PDE11A: variants seen among roughly 807,000 people sequenced by gnomAD.
PDE11A encodes dual 3',5'-cyclic-AMP and -GMP phosphodiesterase 11A.
A neutral mutation model predicts 100.5 loss-of-function variants in PDE11A; 100 were observed. That is an observed-to-expected ratio of 1.00 (90% CI 0.85 to 1.18). The LOEUF is 1.18. Among genes scored for constraint, PDE11A ranks in the 50% most tolerant of loss-of-function variants. The pLI is 0.00. For synonymous variants in PDE11A, 381 were observed against 420.8 expected (o/e 0.91, Z 1.16); for missense variants, 1,141 against 1,152.6 (o/e 0.99, Z 0.15).
chr2:178,078,994 T>C (rs1296453118), intron 2 of PDE11A, among the ~76,000 whole-genome samples: 1 of 152,186 alleles, frequency 6.6e-6, no homozygotes, highest in Non-Finnish European at 1.5e-5. Context: ...AGGAATTCTA[T>C]TTTCTAAAAA....
At chr2:177,994,496 G>A (rs1473842602) in intron 2 of PDE11A, among the ~76,000 whole-genome samples, 1 of 152,194 alleles carries the variant, frequency 6.6e-6, no homozygotes, top group Non-Finnish European at 1.5e-5. Context: ...AGGGATAATT[G>A]TGAAGGATCA....
Position 177,669,575 on chromosome 2 carries a change from A to T in PDE11A, c.2488-8T>A. 7.6e-7 allele frequency: 1 copy of T among 1,313,390 alleles called. No individual in the cohort carries two copies. The highest frequency in any genetic ancestry group is 1.1e-6 in the Non-Finnish European group (1 of 906,252). 81.4% of individuals were successfully genotyped at this position (1,313,390 alleles called of 1,614,324 possible). On this transcript the variant is annotated splice_polypyrimidine_tract_variant and splice_region_variant and intron_variant, in intron 17 of 19. Coordinates refer to ENST00000286063, the MANE Select transcript of PDE11A (RefSeq NM_016953.4). The stretch of plus-strand genomic sequence containing the variant: ...GGTTACAAGTTCTGCCACCTGAAAC[A>T]TATAAATATTTTAATCTGTGATTAT...
At position 177,844,599 on chromosome 2, in the gene PDE11A, T is replaced by A. The variant is rs1370463780; in HGVS notation, c.1368-4216A>T. Among the ~76,000 whole-genome samples, 3 of 152,048 alleles carry A rather than the reference T, an allele frequency of 2.0e-5. 1 individual carries two copies. Among genetic ancestry groups the A allele is most frequent in the South Asian group, 4.2e-4 (2 of 4,802 alleles). Reference sequence around the variant, plus strand: ...TGTTTCTCACAGAGGGGGATTTGGCTGGGTCATAGGACAATAGTGGAGGGA... The same window carrying A: ...TGTTTCTCACAGAGGGGGATTTGGCAGGGTCATAGGACAATAGTGGAGGGA... On this transcript the variant is annotated intron_variant, in intron 5 of 19. Coordinates refer to ENST00000286063, the MANE Select transcript of PDE11A (RefSeq NM_016953.4).
chr2:177,651,181 G>A (rs75239893), intron 19 of PDE11A, among the ~76,000 whole-genome samples: 1 of 152,288 alleles, frequency 6.6e-6, no homozygotes, highest in East Asian at 1.9e-4. Context: ...CAAAAGTGTT[G>A]TTATGGACTC....
chr2:177,896,523 A>T (rs1308493975), intron 4 of PDE11A, among the ~76,000 whole-genome samples: 1 of 152,178 alleles, frequency 6.6e-6, no homozygotes, highest in Non-Finnish European at 1.5e-5. Flanking sequence ...GGGGTGGTTC[A>T]GGTTATCCTG....
At chr2:177,959,169 G>A (rs1378552306) in intron 2 of PDE11A, among the ~76,000 whole-genome samples, 2 of 152,186 alleles carry the variant, frequency 1.3e-5, no homozygotes. Context: ...GAAGAGGAAT[G>A]AAGACATGTA....
At chr2:177,840,705 A>C (rs2083477915) in intron 5 of PDE11A, among the ~76,000 whole-genome samples, 2 of 152,162 alleles carry the variant, frequency 1.3e-5, no homozygotes, top group Admixed American at 1.3e-4. Flanking sequence ...CAACTAATAA[A>C]ATTCCATCAA....
intron 2 of PDE11A, among the ~76,000 whole-genome samples, chr2:178,088,355 A>T (rs750454463): frequency 6.6e-6 from 1 of 152,270 alleles, no homozygotes; most frequent in Non-Finnish European, 1.5e-5. Flanking sequence ...AACATATTGT[A>T]GGACACAAGG....
chr2:177,636,781 A>G (rs368684753), intron 19 of PDE11A, among the ~76,000 whole-genome samples: 17 of 152,196 alleles, frequency 1.1e-4, no homozygotes, highest in African/African-American at 4.1e-4. Flanking sequence ...ATCCCTCCCC[A>G]AAGTTGTGAC....
At position 178,012,690 on chromosome 2, in the gene PDE11A, T is replaced by C. The variant is rs1188944385; in HGVS notation, c.1071+1612A>G. ...GCTCTATCTCACAGGTACAAGTCCA[T>C]TAAGAAAAGTCCAGAAAACAAATCT... On this transcript the variant is annotated intron_variant, in intron 2 of 19. Coordinates refer to ENST00000286063, the MANE Select transcript of PDE11A (RefSeq NM_016953.4). 3.9e-5 allele frequency among the ~76,000 whole-genome samples: 6 copies of C among 152,188 alleles called. No homozygotes were observed. The East Asian group carries it at 1.2e-3, about 29-fold the overall frequency.
intron 5 of PDE11A, among the ~76,000 whole-genome samples, chr2:177,860,390 A>G (rs2083925364): frequency 6.6e-6 from 1 of 151,886 alleles, no homozygotes; most frequent in South Asian, 2.1e-4. Context: ...CAAGTATCAA[A>G]ACAACTCAAG....
chr2:177,677,119 T>C (rs73979513), intron 16 of PDE11A, among the ~76,000 whole-genome samples: 6,131 of 152,276 alleles, frequency 0.04, 384 homozygotes, highest in African/African-American at 0.13. Context: ...TTCTGTCCAG[T>C]TGATAATTTG....
chr2:177,742,044 A>AG (rs892366902), intron 10 of PDE11A, among the ~76,000 whole-genome samples: 8 of 151,410 alleles, frequency 5.3e-5, no homozygotes, highest in Admixed American at 3.3e-4. Flanking sequence ...CTTAAGAAAA[A>AG]AAAAAAAAAA....
At position 177,773,478 on chromosome 2, in the gene PDE11A, G is replaced by A. The variant is rs73032029; in HGVS notation, c.1738-4105C>T. On this transcript the variant is annotated intron_variant, in intron 9 of 19. Coordinates refer to ENST00000286063, the MANE Select transcript of PDE11A (RefSeq NM_016953.4). ...CTTAACGAAATAAATACATGCTTTG[G>A]TTACTTTTTCATGATTCTTAAATTT... Among the ~76,000 whole-genome samples, 444 of 152,260 alleles carry A rather than the reference G, an allele frequency of 2.9e-3. 2 individuals are homozygous for A. The highest frequency in any genetic ancestry group is 9.8e-3 in the African/African-American group (406 of 41,548).
intron 9 of PDE11A, among the ~76,000 whole-genome samples, chr2:177,780,861 T>C (rs2082444641): frequency 6.6e-6 from 1 of 152,228 alleles, no homozygotes; most frequent in Non-Finnish European, 1.5e-5. Context: ...CATTTGATCT[T>C]TTCTTCAGAC....
At chr2:178,081,251 C>T (rs1387349435) in intron 2 of PDE11A, among the ~76,000 whole-genome samples, 1 of 152,152 alleles carries the variant, frequency 6.6e-6, no homozygotes, top group Non-Finnish European at 1.5e-5. Context: ...GAGTTTCTCA[C>T]TTGTGTATAA....
At chr2:177,836,136 G>A (rs918890592) in intron 6 of PDE11A, among the ~76,000 whole-genome samples, 2 of 152,270 alleles carry the variant, frequency 1.3e-5, no homozygotes, top group African/African-American at 4.8e-5. Flanking sequence ...CTGGGCTCCT[G>A]AGTCTGGTGG....
intron 2 of PDE11A, among the ~76,000 whole-genome samples, chr2:177,919,010 G>C (rs1315633893): frequency 6.6e-6 from 1 of 151,824 alleles, no homozygotes; most frequent in African/African-American, 2.4e-5. Context: ...AGCACATCAT[G>C]ATAAAAATAA....
intron 9 of PDE11A, among the ~76,000 whole-genome samples, chr2:177,791,089 T>C (rs2082624154): frequency 6.6e-6 from 1 of 152,112 alleles, no homozygotes; most frequent in African/African-American, 2.4e-5. Context: ...CATGCACATG[T>C]ATGTTTATTG....
Sources: allele counts gnomAD v4.1 joint callset (sites outside exome capture counted in the v4.1 genomes callset), GRCh38; gene constraint gnomAD v4.1.1; transcripts MANE v1.5; gene names NCBI Gene and HGNC (gene_info 2026-07-23, HGNC 2026-07-21).